MAN1A1: variants seen among roughly 807,000 people sequenced by gnomAD.
MAN1A1 encodes the protein mannosyl-oligosaccharide 1,2-alpha-mannosidase IA.
Under a neutral mutation model 70.8 loss-of-function variants are expected in MAN1A1, and 29 were observed. That is an observed-to-expected ratio of 0.41 (90% CI 0.31 to 0.56). The LOEUF (loss-of-function observed/expected upper bound fraction) is 0.56. Ranked by LOEUF, MAN1A1 falls within the 20% of genes least tolerant of loss-of-function variation. The probability of loss-of-function intolerance (pLI) is 0.29; values close to 1 mark genes in which losing one functional copy is unlikely to be tolerated. For synonymous variants in MAN1A1, 349 were observed against 330.1 expected, an observed-to-expected ratio of 1.06 and a Z score of -0.62; for missense variants, 747 against 841.3, an observed-to-expected ratio of 0.89 and a Z score of 1.39.
chr6:119,194,333 CATT>C (rs1369019239), intron 8 of MAN1A1, among the ~76,000 whole-genome samples: 1 of 151,976 alleles, frequency 6.6e-6, no homozygotes, highest in Non-Finnish European at 1.5e-5. Flanking sequence ...AGGTTCTTGC[CATT>C]ATTATTATTT....
At chr6:119,275,615 T>A (rs1776039891) in intron 5 of MAN1A1, among the ~76,000 whole-genome samples, 1 of 151,450 alleles carries the variant, frequency 6.6e-6, no homozygotes, top group South Asian at 2.1e-4. Context: ...CTAATTTTTT[T>A]ATTTTTAGTA....
chr6:119,341,935 G>A (rs796639722), intron 2 of MAN1A1, among the ~76,000 whole-genome samples: 120 of 152,276 alleles, frequency 7.9e-4, no homozygotes, highest in African/African-American at 2.8e-3. Flanking sequence ...GGGAAATATA[G>A]TGAGACCCGA....
At chr6:119,215,966 A>G (rs1386063744) in intron 6 of MAN1A1, among the ~76,000 whole-genome samples, 2 of 152,192 alleles carry the variant, frequency 1.3e-5, no homozygotes, top group Non-Finnish European at 2.9e-5. Flanking sequence ...ACCAGAAACG[A>G]TCGAATGAAC....
chr6:119,255,488 CTTA>C (rs1387102117), intron 5 of MAN1A1, among the ~76,000 whole-genome samples: 6 of 152,146 alleles, frequency 3.9e-5, no homozygotes, highest in Admixed American at 3.3e-4. Flanking sequence ...CCAGTAAGTA[CTTA>C]TTAAGCTATT....
intron 6 of MAN1A1, among the ~76,000 whole-genome samples, chr6:119,212,356 G>C (rs1774078576): frequency 6.6e-6 from 1 of 152,062 alleles, no homozygotes; most frequent in South Asian, 2.1e-4. Flanking sequence ...GTAGTTTTTG[G>C]CAGAAATTCT....
chr6:119,310,637 G>C (rs889264936), intron 2 of MAN1A1, among the ~76,000 whole-genome samples: 8 of 152,174 alleles, frequency 5.3e-5, no homozygotes, highest in Non-Finnish European at 1.2e-4. Flanking sequence ...GAAACATTCA[G>C]AGAGAACCTA....
intron 5 of MAN1A1, 67 bp downstream of exon 5, chr6:119,290,616 A>G: frequency 9.2e-7 from 1 of 1,090,130 alleles, no homozygotes; most frequent in Non-Finnish European, 1.4e-6. Context: ...CACGAATGGC[A>G]TATTTTACCA....
intron 2 of MAN1A1, among the ~76,000 whole-genome samples, chr6:119,325,441 T>C (rs568005529): frequency 6.6e-6 from 1 of 152,180 alleles, no homozygotes; most frequent in Non-Finnish European, 1.5e-5. Context: ...GTGGATCACT[T>C]GAGGTCAGAA....
chr6:119,250,908 C>G (rs1467135483), intron 5 of MAN1A1, among the ~76,000 whole-genome samples: 3 of 152,162 alleles, frequency 2.0e-5, no homozygotes, highest in African/African-American at 7.2e-5. Flanking sequence ...ATTTAATATT[C>G]TGGGCAAACT....
chr6:119,289,099 T>C (rs545127997), intron 5 of MAN1A1, among the ~76,000 whole-genome samples: 1 of 151,844 alleles, frequency 6.6e-6, no homozygotes, highest in South Asian at 2.1e-4. Flanking sequence ...AGTATACACA[T>C]ATATAGAAAC....
At chr6:119,336,133 A>G (rs1001230339) in intron 2 of MAN1A1, among the ~76,000 whole-genome samples, 2 of 152,100 alleles carry the variant, frequency 1.3e-5, no homozygotes, top group Admixed American at 6.5e-5. Flanking sequence ...GCAGTGGCAC[A>G]ATCTCGGTTC....
At chr6:119,343,046 C>T (rs1330662478) in intron 2 of MAN1A1, among the ~76,000 whole-genome samples, 2 of 149,638 alleles carry the variant, frequency 1.3e-5, no homozygotes, top group Non-Finnish European at 3.0e-5. Context: ...GGTGTCTTTA[C>T]AAAGAAGAAG....
intron 5 of MAN1A1, among the ~76,000 whole-genome samples, chr6:119,270,952 C>T (rs1302156858): frequency 6.6e-6 from 1 of 152,186 alleles, no homozygotes; most frequent in Admixed American, 6.5e-5. Flanking sequence ...CCTTGAACGA[C>T]TTCTCTACTT....
chr6:119,321,278 C>T (rs755436668), intron 2 of MAN1A1, among the ~76,000 whole-genome samples: 1 of 152,188 alleles, frequency 6.6e-6, no homozygotes. Context: ...CCATATCCTT[C>T]ATTTCTGGAA....
intron 4 of MAN1A1, among the ~76,000 whole-genome samples, chr6:119,298,016 A>G (rs191957526): frequency 9.0e-4 from 137 of 152,124 alleles, no homozygotes; most frequent in Non-Finnish European, 1.7e-3. Flanking sequence ...GGGTTCTCTG[A>G]CTACTTTTCC....
chr6:119,203,035 C>T (rs1773758567), intron 7 of MAN1A1, among the ~76,000 whole-genome samples: 1 of 152,184 alleles, frequency 6.6e-6, no homozygotes, highest in East Asian at 1.9e-4. Context: ...AAGAAGACAT[C>T]ATGTGAACAC....
intron 6 of MAN1A1, among the ~76,000 whole-genome samples, chr6:119,209,082 C>G (rs1232984739): frequency 8.5e-6 from 1 of 117,984 alleles, no homozygotes; most frequent in Non-Finnish European, 1.8e-5. Context: ...TAGAGTAAGA[C>G]CCCGTCTCAA....
intron 2 of MAN1A1, among the ~76,000 whole-genome samples, chr6:119,345,384 C>T (rs1229544917): frequency 1.3e-5 from 2 of 152,120 alleles, no homozygotes; most frequent in African/African-American, 2.4e-5. Flanking sequence ...TAAATATACA[C>T]TATGTATGTA....
intron 5 of MAN1A1, among the ~76,000 whole-genome samples, chr6:119,279,438 C>T (rs538155375): frequency 7.2e-5 from 11 of 152,238 alleles, no homozygotes; most frequent in East Asian, 1.9e-4. Flanking sequence ...CCTAAAGTGC[C>T]GAACACTGTT....
Sources: allele counts gnomAD v4.1 joint callset (sites outside exome capture counted in the v4.1 genomes callset), GRCh38; gene constraint gnomAD v4.1.1; transcripts MANE v1.5; gene names NCBI Gene and HGNC (gene_info 2026-07-23, HGNC 2026-07-21).